The following TTLL1 variants were observed in gnomAD, a reference collection of about 807,000 sequenced individuals.
The protein encoded by TTLL1 is TTL family tubulin polyglutamylase complex subunit L1, also known as polyglutamylase complex subunit TTLL1.
Under a neutral mutation model 47.8 loss-of-function variants are expected in TTLL1, and 33 were observed. The observed-to-expected ratio is 0.69, with a 90% CI of 0.52 to 0.92. TTLL1 has a LOEUF of 0.92. Ranked by LOEUF, TTLL1 falls within the 40% of genes least tolerant of loss-of-function variation. The pLI is 0.00. For synonymous variants in TTLL1, 225 were observed against 214.1 expected (o/e 1.05, Z -0.45); for missense variants, 488 against 547.5 (o/e 0.89, Z 1.08).
chr22:43,061,911 G>C (rs985867279), intron 7 of TTLL1, among the ~76,000 whole-genome samples: 1 of 152,168 alleles, frequency 6.6e-6, no homozygotes, highest in Non-Finnish European at 1.5e-5. Context: ...TCCAACCACT[G>C]GATAAGGGGC....
chr22:43,051,506 G>T, intron 9 of TTLL1, among the ~76,000 whole-genome samples: 1 of 151,802 alleles, frequency 6.6e-6, no homozygotes, highest in East Asian at 1.9e-4. Context: ...GGGGGACAGG[G>T]TGCAGGACTG....
intron 6 of TTLL1, 67 bp from the exon 7 acceptor site, chr22:43,063,988 T>C: frequency 6.5e-7 from 1 of 1,549,682 alleles, no homozygotes; most frequent in South Asian, 1.1e-5. Context: ...CACTTCATTC[T>C]CTAAAAAGAG....
chr22:43,059,255 G>A (rs1446137204), intron 8 of TTLL1, 129 bp downstream of exon 8: 11 of 1,355,654 alleles, frequency 8.1e-6, no homozygotes, highest in Non-Finnish European at 1.1e-5. Context: ...CGGCCTCCCA[G>A]CTTGCTGGGA....
intron 8 of TTLL1, among the ~76,000 whole-genome samples, chr22:43,053,655 C>T (rs1926800584): frequency 6.6e-6 from 1 of 152,144 alleles, no homozygotes; most frequent in Admixed American, 6.5e-5. Flanking sequence ...TCCTTGTCTG[C>T]CTCACTCTGA....
intron 7 of TTLL1, among the ~76,000 whole-genome samples, chr22:43,062,769 G>A (rs775903855): frequency 6.6e-6 from 1 of 152,100 alleles, no homozygotes; most frequent in Non-Finnish European, 1.5e-5. Context: ...ACAGGTTGTG[G>A]TGAGCTGAGA....
chr22:43,065,985 CCT>C (rs1927705569), intron 5 of TTLL1, among the ~76,000 whole-genome samples: 1 of 151,546 alleles, frequency 6.6e-6, no homozygotes, highest in Non-Finnish European at 1.5e-5. Context: ...ATGGTGAAAC[CCT>C]GTCTCTACTA....
chr22:43,068,140 A>AT (rs1205009266), intron 5 of TTLL1, among the ~76,000 whole-genome samples: 4 of 150,860 alleles, frequency 2.7e-5, no homozygotes, highest in African/African-American at 9.7e-5. Context: ...ATTTAAAAAA[A>AT]AAAAACTCTA....
intron 9 of TTLL1, 39 bp downstream of exon 9, chr22:43,051,760 CTA>C: frequency 6.3e-7 from 1 of 1,590,076 alleles, no homozygotes; most frequent in Non-Finnish European, 8.6e-7. Context: ...GTGTTGGGGG[CTA>C]TGTGTGGTGT....
rs1167618669 is a variant in TTLL1, at chr22:43,088,324, C to CTTTTTTTTTT, written c.-90+943_-90+952dup. On this transcript the variant is annotated intron_variant, in intron 1 of 10. Transcript: ENST00000266254. ...AATTTGAGGGCAGAGAAGGGCCCAT[C>CTTTTTTTTTT]TTTTTTTTTTTTTTTTTTTTTTTTT... 2.6e-3 allele frequency among the ~76,000 whole-genome samples: 146 copies of CTTTTTTTTTT among 56,490 alleles called. 13 individuals are homozygous for CTTTTTTTTTT. Among genetic ancestry groups the CTTTTTTTTTT allele is most frequent in the African/African-American group, 0.01 (139 of 13,662 alleles). The allele number at this position is 56,490 out of a possible 152,430, so 37.1% of individuals were successfully genotyped here.
chr22:43,072,700 G>A (rs1222238371), intron 3 of TTLL1, among the ~76,000 whole-genome samples: 2 of 152,108 alleles, frequency 1.3e-5, no homozygotes, highest in African/African-American at 4.8e-5. Flanking sequence ...TCAAACTCCT[G>A]GGCTCAAGAG....
intron 10 of TTLL1, chr22:43,040,246 G>A: frequency 4.7e-6 from 1 of 211,686 alleles, no homozygotes; most frequent in South Asian, 6.8e-5. Context: ...TGCATGAGGT[G>A]ACACAGAACC....
Position 43,062,160 on chromosome 22 carries a change from T to C in TTLL1, c.747+1653A>G, listed in dbSNP as rs529453122. Reference sequence around the variant, plus strand: ...AGATGGGGCCTCCGATGGGGCTATGTCCAGATAAACCCATAGCAAGTTGAA... The same window carrying C: ...AGATGGGGCCTCCGATGGGGCTATGCCCAGATAAACCCATAGCAAGTTGAA... On this transcript the variant is annotated intron_variant, in intron 7 of 10. Transcript: ENST00000266254. Among the ~76,000 whole-genome samples the C allele has an allele frequency of 2.6e-5, 4 of 152,202 alleles. No homozygotes were observed. In the East Asian group the frequency reaches 7.8e-4, roughly 30 times the overall value.
intron 3 of TTLL1, among the ~76,000 whole-genome samples, chr22:43,073,840 T>A (rs1378710789): frequency 6.6e-6 from 1 of 151,060 alleles, no homozygotes; most frequent in East Asian, 2.0e-4. Flanking sequence ...TTTATTTTTT[T>A]TGAGACAGAG....
chr22:43,064,434 A>G, intron 5 of TTLL1, 110 bp from the exon 6 acceptor site: 3 of 1,363,604 alleles, frequency 2.2e-6, no homozygotes, highest in South Asian at 1.5e-5. Context: ...TTAAAAAATT[A>G]AAGAGTTTTG....
chr22:43,088,479 G>A (rs1361368634), intron 1 of TTLL1, among the ~76,000 whole-genome samples: 11 of 148,520 alleles, frequency 7.4e-5, no homozygotes, highest in African/African-American at 2.7e-4. Context: ...TGGGACTACA[G>A]GCCCCCGCCA....
chr22:43,086,240 C>A (rs979737503), intron 1 of TTLL1, among the ~76,000 whole-genome samples: 3 of 152,126 alleles, frequency 2.0e-5, no homozygotes, highest in African/African-American at 7.2e-5. Context: ...AACTGAGCAT[C>A]ATAAAAACCT....
chr22:43,045,688 C>G (rs904366549), intron 10 of TTLL1, among the ~76,000 whole-genome samples: 2 of 151,976 alleles, frequency 1.3e-5, no homozygotes, highest in African/African-American at 2.4e-5. Flanking sequence ...CAGCTCTATG[C>G]GGCAAAGCCA....
chr22:43,050,777 C>T (rs1478831970), intron 9 of TTLL1, among the ~76,000 whole-genome samples: 1 of 152,184 alleles, frequency 6.6e-6, no homozygotes, highest in Non-Finnish European at 1.5e-5. Context: ...CCCGCCTTGG[C>T]TTTCCAAAGT....
chr22:43,045,660 G>A (rs889060902), intron 10 of TTLL1, among the ~76,000 whole-genome samples: 8 of 151,836 alleles, frequency 5.3e-5, no homozygotes, highest in African/African-American at 1.9e-4. Context: ...CAGTTGCACT[G>A]AGTTCCTCCC....
Sources: gnomAD v4.1 joint callset for allele counts (sites outside exome capture counted in the v4.1 genomes callset) on GRCh38, gnomAD v4.1.1 for gene constraint, MANE v1.5 for transcripts, NCBI Gene and HGNC (gene_info 2026-07-23, HGNC 2026-07-21) for gene names.